Variants in ALDH2 observed in about 807,000 individuals in gnomAD.
ALDH2 encodes the protein aldehyde dehydrogenase, mitochondrial.
ALDH2 carries 44 observed loss-of-function variants against 59.6 expected under a neutral mutation model. That is an observed-to-expected ratio of 0.74 (90% CI 0.58 to 0.95). The LOEUF (loss-of-function observed/expected upper bound fraction) is 0.95, where lower values mean the gene tolerates loss of function less well. Ranked by LOEUF, ALDH2 falls within the 40% of genes least tolerant of loss-of-function variation. The pLI, the probability that ALDH2 is intolerant of heterozygous loss-of-function variation, is 0.00. For missense variants in ALDH2, 570 were observed against 696.3 expected (o/e 0.82, Z 2.04); for synonymous variants, 291 against 284.0 (o/e 1.02, Z -0.25).
chr12:111,766,982 G>A lies in ALDH2; in HGVS notation c.-1G>A, dbSNP rs2068162282. On this transcript the variant is annotated 5_prime_UTR_variant, in exon 1 of 13. Transcript: ENST00000261733. Reference sequence around the variant, plus strand: ...CGCTCGCTGTCCGCTAGCCCGCTGCGATGTTGCGCGCTGCCGCCCGCTTCG... The same window carrying A: ...CGCTCGCTGTCCGCTAGCCCGCTGCAATGTTGCGCGCTGCCGCCCGCTTCG... 1 of 1,521,470 alleles carries A rather than the reference G, an allele frequency of 6.6e-7. No homozygotes were observed. Among genetic ancestry groups the A allele is most frequent in the Non-Finnish European group, 8.8e-7 (1 of 1,141,190 alleles). 94.2% of individuals were successfully genotyped at this position (1,521,470 alleles called of 1,614,324 possible).
At chr12:111,775,161 C>A (rs1225529221) in intron 1 of ALDH2, among the ~76,000 whole-genome samples, 1 of 152,190 alleles carries the variant, frequency 6.6e-6, no homozygotes, top group Non-Finnish European at 1.5e-5. Context: ...AAGTCTATTA[C>A]CCCCACTTAG....
chr12:111,781,148 G>C (rs931509124), intron 1 of ALDH2, among the ~76,000 whole-genome samples: 8 of 152,088 alleles, frequency 5.3e-5, no homozygotes, highest in African/African-American at 1.9e-4. Flanking sequence ...ATCTAATTTA[G>C]TTCTCACAAC....
intron 12 of ALDH2, among the ~76,000 whole-genome samples, chr12:111,805,508 A>G (rs1482595027): frequency 6.6e-6 from 1 of 152,118 alleles, no homozygotes; most frequent in Non-Finnish European, 1.5e-5. Flanking sequence ...TATTTCTTGT[A>G]GAGATGGGGT....
At chr12:111,783,407 T>A in intron 3 of ALDH2, 109 bp downstream of exon 3, 1 of 1,376,022 alleles carries the variant, frequency 7.3e-7, no homozygotes, top group Non-Finnish European at 9.8e-7. Context: ...GGAACACACA[T>A]CTGACACGGG....
chr12:111,808,954 A>AG (rs1456091555), intron 12 of ALDH2, among the ~76,000 whole-genome samples: 1 of 152,044 alleles, frequency 6.6e-6, no homozygotes, highest in Non-Finnish European at 1.5e-5. Context: ...GTTTCCAAGG[A>AG]GGGGTTGAGT....
intron 9 of ALDH2, 130 bp from the exon 10 acceptor site, chr12:111,797,948 C>T (rs1191314797): frequency 2.7e-6 from 3 of 1,104,518 alleles, no homozygotes; most frequent in Admixed American, 2.2e-5. Context: ...TGTGTTTCCT[C>T]TTCTGATCTT....
At position 111,792,026 on chromosome 12, in the gene ALDH2, A is replaced by G. The variant is rs569706887; in HGVS notation, c.796-35A>G. On this transcript the variant is annotated intron_variant, in intron 7 of 12. Coordinates refer to ENST00000261733, the MANE Select transcript of ALDH2 (RefSeq NM_000690.4). ...GAGTGCTGGACTCTTTTCTCCCGGCACTGAGAGCTTGTTCCTGTCTTTCTG... is the reference window on the plus strand; with the variant it reads ...GAGTGCTGGACTCTTTTCTCCCGGCGCTGAGAGCTTGTTCCTGTCTTTCTG... 2.8e-4 allele frequency: 393 copies of G among 1,388,392 alleles called. 4 individuals are homozygous for G. In the South Asian group the frequency reaches 4.3e-3, roughly 15 times the overall value. 86.0% of individuals were successfully genotyped at this position (1,388,392 alleles called of 1,614,324 possible). A position where few individuals can be genotyped will look rare whatever the true frequency, so the allele number is the denominator to read the frequency against.
chr12:111,772,506 G>A (rs999637364), intron 1 of ALDH2, among the ~76,000 whole-genome samples: 2 of 151,448 alleles, frequency 1.3e-5, no homozygotes, highest in African/African-American at 2.4e-5. Flanking sequence ...CTGGGATTAC[G>A]GGTGCCGCCA....
intron 3 of ALDH2, 27 bp downstream of exon 3, chr12:111,783,325 AGATC>A: frequency 1.6e-5 from 25 of 1,582,300 alleles, no homozygotes; most frequent in Non-Finnish European, 2.1e-5. Context: ...TCTCCCCCTC[AGATC>A]CCATGTGGTG....
intron 7 of ALDH2, among the ~76,000 whole-genome samples, chr12:111,791,859 G>A (rs551951774): frequency 1.3e-5 from 2 of 152,096 alleles, no homozygotes; most frequent in Admixed American, 6.5e-5. Flanking sequence ...CTGAGATCAC[G>A]CCACTGCACT....
rs562241287 is a variant in ALDH2 at position 111,790,234 on chromosome 12, G to T, written c.553-200G>T. On this transcript the variant is annotated intron_variant, in intron 5 of 12. Transcript: ENST00000261733. ...ATGGTGTCACGGACATAAAAGCACGGATAAATGTGAGTCTGTCATCGTTGT... is the reference window on the plus strand; with the variant it reads ...ATGGTGTCACGGACATAAAAGCACGTATAAATGTGAGTCTGTCATCGTTGT... Among the ~76,000 whole-genome samples the T allele has an allele frequency of 5.9e-5, 9 of 152,272 alleles. 2 individuals are homozygous for T. The South Asian group carries it at 1.9e-3, about 32-fold the overall frequency.
At chr12:111,792,533 C>A in intron 8 of ALDH2, 65 bp from the exon 9 acceptor site, 1 of 1,525,086 alleles carries the variant, frequency 6.6e-7, no homozygotes, top group South Asian at 1.2e-5. Context: ...ATTGGGCAGG[C>A]GGCCACCAGG....
chr12:111,801,800 G>A (rs549221433), intron 11 of ALDH2, among the ~76,000 whole-genome samples: 4 of 152,094 alleles, frequency 2.6e-5, no homozygotes, highest in Non-Finnish European at 5.9e-5. Context: ...TAGAAAGTAT[G>A]TTAGTGGTTG....
chr12:111,788,237 A>C (rs1027399258), intron 4 of ALDH2, among the ~76,000 whole-genome samples: 1 of 152,090 alleles, frequency 6.6e-6, no homozygotes, highest in African/African-American at 2.4e-5. Flanking sequence ...AAAAGAAAAC[A>C]GTCGGTATCC....
chr12:111,805,267 C>T (rs551971262), intron 12 of ALDH2, among the ~76,000 whole-genome samples: 25 of 152,018 alleles, frequency 1.6e-4, no homozygotes, highest in Non-Finnish European at 3.4e-4. Flanking sequence ...GCCTGTAGTC[C>T]CAGCTACTCG....
chr12:111,816,518 T>TA lies in ALDH2; in HGVS notation c.*6946dup, dbSNP rs2068571220. 1 of 152,220 alleles carries TA rather than the reference T, an allele frequency of 6.6e-6. No homozygotes were observed. Among genetic ancestry groups the TA allele is most frequent in the African/African-American group, 2.4e-5 (1 of 41,462 alleles). The allele number at this position is 152,220 out of a possible 1,614,324, so 9.4% of individuals were successfully genotyped here. ...GTTTGCCCACATTCTGCATTTATGA[T>TA]AAACAGTTTGCTGTTTGATCATATA... On this transcript the variant is annotated 3_prime_UTR_variant, in exon 13 of 13. Transcript: ENST00000261733.
chr12:111,791,316 C>A lies in ALDH2; in HGVS notation c.692C>A (p.Pro231His), dbSNP rs1459586779. ...GCTGTTTGCTCACAGGCTGGCTTTCCCCCTGGTGTGGTCAACATTGTGCCT... is the reference window on the plus strand; with the variant it reads ...GCTGTTTGCTCACAGGCTGGCTTTCACCCTGGTGTGGTCAACATTGTGCCT... ...VANLIKEAGF[P>H]PGVVNIVPGF... The change falls in exon 7 of 13, where the codon CCC becomes CAC. Residue 231 changes from proline (P) to histidine (H), a missense_variant. By Grantham distance (77) the Pro-to-His change is moderately conservative (BLOSUM62 -2). Transcript: ENST00000261733. The A allele has an allele frequency of 1.9e-6, 3 of 1,613,802 alleles. No homozygotes were observed. The highest frequency in any genetic ancestry group is 2.5e-6 in the Non-Finnish European group (3 of 1,179,916).
At chr12:111,791,739 A>G (rs1308431788) in intron 7 of ALDH2, among the ~76,000 whole-genome samples, 1 of 152,086 alleles carries the variant, frequency 6.6e-6, no homozygotes, top group Non-Finnish European at 1.5e-5. Flanking sequence ...CAGGACTGCC[A>G]TTGTGGTTAA....
Position 111,792,150 on chromosome 12 carries a change from G to A in ALDH2, c.885G>A (p.Met295Ile), listed in dbSNP as rs765912648. ...GGGGGAAGAGCCCCAACATCATCAT[G>A]TCAGATGCCGATAGTGAGTTTCCAG... ...ELGGKSPNII[M>I]SDADMDWAVE... The change falls in exon 8 of 13, where the codon ATG becomes ATA. Residue 295 changes from methionine to isoleucine, a missense_variant. By Grantham distance (10) the Met-to-Ile change is conservative. Coordinates refer to ENST00000261733, the MANE Select transcript of ALDH2 (RefSeq NM_000690.4). 2 of 1,604,048 alleles carry A rather than the reference G, an allele frequency of 1.2e-6. No individual in the cohort carries two copies. Among genetic ancestry groups the A allele is most frequent in the Admixed American group, 3.6e-5 (2 of 56,238 alleles).
Sources: allele counts gnomAD v4.1 joint callset (sites outside exome capture counted in the v4.1 genomes callset), GRCh38; gene constraint gnomAD v4.1.1; transcripts MANE v1.5; gene names NCBI Gene and HGNC (gene_info 2026-07-23, HGNC 2026-07-21).